Variants in SEC14L1 observed in about 807,000 individuals in gnomAD.
SEC14L1 encodes SEC14-like protein 1.
A neutral mutation model predicts 85.3 loss-of-function variants in SEC14L1; 48 were observed. The observed-to-expected ratio is 0.56, with a 90% CI of 0.45 to 0.72. The LOEUF (loss-of-function observed/expected upper bound fraction) is 0.72, where lower values mean the gene tolerates loss of function less well. SEC14L1 is among the 30% of genes least tolerant of loss of function. The probability of loss-of-function intolerance (pLI) is 0.00; values close to 1 mark genes in which losing one functional copy is unlikely to be tolerated. For synonymous variants in SEC14L1, 391 were observed against 355.5 expected, an observed-to-expected ratio of 1.10 and a Z score of -1.12; for missense variants, 682 against 921.4, an observed-to-expected ratio of 0.74 and a Z score of 3.36.
intron 3 of SEC14L1, among the ~76,000 whole-genome samples, chr17:77,176,670 T>A (rs780211976): frequency 1.5e-4 from 23 of 152,210 alleles, no homozygotes; most frequent in Non-Finnish European, 3.1e-4. Flanking sequence ...CACTGCATCC[T>A]CCACCTCCCA....
upstream of SEC14L1, among the ~76,000 whole-genome samples, chr17:77,136,837 T>C (rs1972813408): frequency 6.6e-6 from 1 of 152,062 alleles, no homozygotes; most frequent in Non-Finnish European, 1.5e-5. Context: ...AAGAAATACT[T>C]GAGACTGGGT....
chr17:77,138,055 C>T (rs1351904610), upstream of SEC14L1, among the ~76,000 whole-genome samples: 1 of 151,990 alleles, frequency 6.6e-6, no homozygotes, highest in Non-Finnish European at 1.5e-5. Flanking sequence ...GCTGATTGGT[C>T]AGGGAGGAAA....
intron 11 of SEC14L1, among the ~76,000 whole-genome samples, chr17:77,205,993 A>G (rs1226371513): frequency 6.6e-6 from 1 of 152,170 alleles, no homozygotes; most frequent in Non-Finnish European, 1.5e-5. Flanking sequence ...CTTTTCGTGC[A>G]TTATCAGTCA....
intron 3 of SEC14L1, chr17:77,128,012 G>C (rs1319354732): frequency 6.6e-6 from 1 of 152,218 alleles, no homozygotes; most frequent in Non-Finnish European, 1.5e-5. Flanking sequence ...CCGACACTTT[G>C]ATTTCACCTC....
At chr17:77,208,147 T>C (rs1976560795) in intron 13 of SEC14L1, among the ~76,000 whole-genome samples, 1 of 152,234 alleles carries the variant, frequency 6.6e-6, no homozygotes, top group African/African-American at 2.4e-5. Flanking sequence ...CTTTGGACTT[T>C]CTGAATGGTT....
chr17:77,193,995 A>C (rs16969736), intron 6 of SEC14L1, among the ~76,000 whole-genome samples: 1 of 152,170 alleles, frequency 6.6e-6, no homozygotes, highest in Non-Finnish European at 1.5e-5. Context: ...TTTGAAATCT[A>C]TCCGTGTGGG....
intron 2 of SEC14L1, among the ~76,000 whole-genome samples, chr17:77,092,839 T>C (rs1428221746): frequency 6.7e-6 from 1 of 150,042 alleles, no homozygotes; most frequent in Non-Finnish European, 1.5e-5. Flanking sequence ...TCTCAGCTAC[T>C]CAAGAGGCTG....
intron 3 of SEC14L1, among the ~76,000 whole-genome samples, chr17:77,174,397 G>T (rs1598345097): frequency 6.6e-6 from 1 of 152,298 alleles, no homozygotes; most frequent in South Asian, 2.1e-4. Context: ...TAAGCTGTAT[G>T]AGGTGACCAC....
At chr17:77,140,895 C>T (rs1342623567), upstream of SEC14L1, 1 of 151,530 alleles carries the variant, frequency 6.6e-6, no homozygotes, top group Non-Finnish European at 1.5e-5. Context: ...CACGCGCGCC[C>T]CTCCCGGCGC....
At chr17:77,146,190 A>AG (rs1973294602) in intron 3 of SEC14L1, among the ~76,000 whole-genome samples, 1 of 151,988 alleles carries the variant, frequency 6.6e-6, no homozygotes, top group Admixed American at 6.6e-5. Flanking sequence ...GGGAGGAGGC[A>AG]GTGGGGGTGG....
chr17:77,117,073 C>T (rs1376853961), intron 3 of SEC14L1, among the ~76,000 whole-genome samples: 1 of 152,200 alleles, frequency 6.6e-6, no homozygotes, highest in African/African-American at 2.4e-5. Flanking sequence ...GAAGGCCGGG[C>T]GCAGTGGCTC....
intron 2 of SEC14L1, chr17:77,089,634 A>T (rs1971459024): frequency 2.6e-6 from 1 of 386,754 alleles, no homozygotes; most frequent in South Asian, 1.9e-5. Flanking sequence ...AATGTTACGG[A>T]TACAGAGATG....
Position 77,215,772 on chromosome 17 carries a change from G to A in SEC14L1, c.*1749G>A. 2.1e-6 allele frequency: 2 copies of A among 973,888 alleles called. No homozygotes were observed. The highest frequency in any genetic ancestry group is 1.1e-4 in the East Asian group (1 of 9,218). 60.3% of individuals were successfully genotyped at this position (973,888 alleles called of 1,614,324 possible). On this transcript the variant is annotated 3_prime_UTR_variant, in exon 17 of 17. Transcript: ENST00000436233. ...TTAGTAGGTAGGGCTAGTAGGTAGG[G>A]CTAGTAGGTAGGGTTCGTAGGTAGG...
intron 3 of SEC14L1, among the ~76,000 whole-genome samples, chr17:77,153,571 G>T (rs1158412452): frequency 6.6e-6 from 1 of 152,114 alleles, no homozygotes; most frequent in East Asian, 1.9e-4. Flanking sequence ...ACACTGAATG[G>T]GTCCTCATTT....
Position 77,214,675 on chromosome 17 carries a change from A to G in SEC14L1, c.*652A>G, listed in dbSNP as rs1023219465. On this transcript the variant is annotated 3_prime_UTR_variant, in exon 17 of 17. Transcript: ENST00000436233. The stretch of plus-strand genomic sequence containing the variant: ...GCTCTCAGGGACTCCTGGTGACTCC[A>G]GGAAAATGCTGCCATCGTTAAACAT... The G allele has an allele frequency of 1.0e-6, 1 of 985,518 alleles. No homozygotes were observed. Among genetic ancestry groups the G allele is most frequent in the African/African-American group, 1.7e-5 (1 of 57,266 alleles). 61.0% of individuals were successfully genotyped at this position (985,518 alleles called of 1,614,324 possible).
intron 3 of SEC14L1, among the ~76,000 whole-genome samples, chr17:77,151,818 C>T (rs887877052): frequency 9.2e-5 from 14 of 152,122 alleles, no homozygotes; most frequent in Admixed American, 2.6e-4. Flanking sequence ...GCCTGGGCAA[C>T]GTGGTAAGAC....
chr17:77,150,646 T>C (rs1041050278), intron 3 of SEC14L1, among the ~76,000 whole-genome samples: 1 of 152,186 alleles, frequency 6.6e-6, no homozygotes, highest in Admixed American at 6.5e-5. Context: ...GAGTGCGAAA[T>C]GCCCGAGGGA....
At chr17:77,108,096 C>T (rs754978401) in intron 3 of SEC14L1, among the ~76,000 whole-genome samples, 142 of 151,644 alleles carry the variant, frequency 9.4e-4, no homozygotes, top group Non-Finnish European at 1.7e-3. Context: ...CCCCCCATAC[C>T]ATGCGCACGC....
At chr17:77,182,525 A>AT (rs1975083663) in intron 3 of SEC14L1, among the ~76,000 whole-genome samples, 1 of 152,190 alleles carries the variant, frequency 6.6e-6, no homozygotes, top group African/African-American at 2.4e-5. Context: ...TGAGCAAATG[A>AT]TTACAGTAGT....
Sources: allele counts gnomAD v4.1 joint callset (sites outside exome capture counted in the v4.1 genomes callset), GRCh38; gene constraint gnomAD v4.1.1; transcripts MANE v1.5; gene names NCBI Gene and HGNC (gene_info 2026-07-23, HGNC 2026-07-21).